VWA5B1: variants seen among roughly 807,000 people sequenced by gnomAD.
VWA5B1 encodes von Willebrand factor A domain-containing protein 5B1.
Under a neutral mutation model 118.2 loss-of-function variants are expected in VWA5B1, and 115 were observed. The observed-to-expected ratio is 0.97, with a 90% CI of 0.84 to 1.14. The LOEUF is 1.14. VWA5B1 is among the 50% of genes most tolerant of loss of function. VWA5B1 has a pLI of 0.00. For synonymous variants in VWA5B1, 682 were observed against 658.4 expected (o/e 1.04, Z -0.55); for missense variants, 1,596 against 1,603.8 (o/e 1.00, Z 0.08).
chr1:20,310,440 C>T (rs2088812603), intron 1 of VWA5B1, 136 bp from the exon 2 acceptor site: 5 of 878,080 alleles, frequency 5.7e-6, no homozygotes, highest in Admixed American at 3.6e-5. Context: ...CACTTCCTTC[C>T]CAGGAACTGG....
chr1:20,292,080 CTT>C (rs970727370), intron 1 of VWA5B1, among the ~76,000 whole-genome samples: 12 of 152,264 alleles, frequency 7.9e-5, no homozygotes, highest in African/African-American at 1.9e-4. Context: ...CTTTTTCTCT[CTT>C]TCTTTTTTCT....
At chr1:20,300,572 T>C (rs185027825) in intron 1 of VWA5B1, among the ~76,000 whole-genome samples, 3 of 152,326 alleles carry the variant, frequency 2.0e-5, no homozygotes, top group South Asian at 2.1e-4. Context: ...GTGTATTACC[T>C]TGACCAAGAA....
intron 17 of VWA5B1, among the ~76,000 whole-genome samples, chr1:20,347,634 A>AT (rs1157876711): frequency 4.6e-5 from 7 of 150,726 alleles, no homozygotes; most frequent in Non-Finnish European, 8.9e-5. Context: ...TTATTTTTTT[A>AT]TTTTTTTTGG....
At chr1:20,332,693 T>G in intron 11 of VWA5B1, 73 bp from the exon 12 acceptor site, 1 of 1,490,646 alleles carries the variant, frequency 6.7e-7, no homozygotes, top group Non-Finnish European at 9.1e-7. Context: ...CCCACTAAGC[T>G]GATACTTACA....
intron 1 of VWA5B1, among the ~76,000 whole-genome samples, chr1:20,309,964 G>A (rs1279710331): frequency 2.1e-5 from 3 of 146,322 alleles, no homozygotes; most frequent in Non-Finnish European, 3.1e-5. Flanking sequence ...TGTTGCGGGC[G>A]TGGGGGTGGG....
intron 11 of VWA5B1, among the ~76,000 whole-genome samples, chr1:20,332,539 T>TAAAATAAAATAAAATAA: frequency 2.9e-5 from 4 of 136,364 alleles, no homozygotes; most frequent in African/African-American, 1.0e-4. Context: ...TAAAATAAAA[T>TAAAATAAAATAAAATAA]AAAATAAAAT....
chr1:20,334,300 C>A (rs540975321), intron 12 of VWA5B1, among the ~76,000 whole-genome samples: 21 of 152,162 alleles, frequency 1.4e-4, no homozygotes, highest in Non-Finnish European at 2.9e-4. Context: ...CTTGCACAGT[C>A]CGGGCCTTCC....
chr1:20,321,220 G>T (rs890620309), intron 7 of VWA5B1, among the ~76,000 whole-genome samples: 1 of 151,828 alleles, frequency 6.6e-6, no homozygotes, highest in Non-Finnish European at 1.5e-5. Flanking sequence ...TAAATCTTAG[G>T]GGGGCAATAC....
chr1:20,350,342 A>C, intron 19 of VWA5B1, 112 bp downstream of exon 19: 1 of 1,201,736 alleles, frequency 8.3e-7, no homozygotes, highest in Non-Finnish European at 1.2e-6. Flanking sequence ...TGGAGTCCTC[A>C]AAGCAGCCGT....
In VWA5B1 at chr1:20,323,491, A is replaced by G. The variant is rs1317205829; in HGVS notation, c.1102A>G (p.Arg368Gly). ...AHGEFIFLIDRSSSMSGISMH... is the reference protein window; with the variant it reads ...AHGEFIFLIDGSSSMSGISMH... ...CGGGGAGTTCATCTTCCTCATTGAC[A>G]GGAGCAGCAGCATGAGCGGGATCAG... Residue 368 changes from arginine to glycine, a missense_variant, in exon 8 of 22, where the codon AGG (arginine) becomes GGG (glycine). Coordinates refer to ENST00000289815, the MANE Select transcript of VWA5B1 (RefSeq NM_001039500.3). The G allele has an allele frequency of 5.2e-6, 8 of 1,524,850 alleles. No individual in the cohort carries two copies. The South Asian group carries it at 8.8e-5, about 17-fold the overall frequency. The allele number at this position is 1,524,850 out of a possible 1,614,324, so 94.5% of individuals were successfully genotyped here. A position where few individuals can be genotyped will look rare whatever the true frequency, so the allele number is the denominator to read the frequency against.
At chr1:20,348,498 G>A (rs2090056243) in intron 18 of VWA5B1, 140 bp downstream of exon 18, 2 of 861,444 alleles carry the variant, frequency 2.3e-6, no homozygotes, top group Non-Finnish European at 1.9e-6. Context: ...CCAAGGCAAA[G>A]CCAGTCCTCC....
At chr1:20,321,124 A>AAAAC (rs2089200150) in intron 7 of VWA5B1, among the ~76,000 whole-genome samples, 1 of 151,890 alleles carries the variant, frequency 6.6e-6, no homozygotes, top group Non-Finnish European at 1.5e-5. Context: ...AAAAAAAAAA[A>AAAAC]AAAAACACGA....
intron 19 of VWA5B1, 73 bp from the exon 20 acceptor site, chr1:20,350,784 C>A (rs974670908): frequency 2.1e-6 from 3 of 1,420,118 alleles, no homozygotes; most frequent in African/African-American, 1.4e-5. Context: ...GGCCTCTGTT[C>A]CCCCAGTTGG....
intron 1 of VWA5B1, among the ~76,000 whole-genome samples, chr1:20,296,841 A>G (rs1275041906): frequency 6.6e-6 from 1 of 152,176 alleles, no homozygotes; most frequent in African/African-American, 2.4e-5. Flanking sequence ...TTTTCTGGTC[A>G]AATTATTGGG....
At position 20,316,095 on chromosome 1, in the gene VWA5B1, C is replaced by T. The variant is rs575808082; in HGVS notation, c.564-1435C>T. On this transcript the variant is annotated intron_variant, in intron 4 of 21. Transcript: ENST00000289815. ...CAAACCCCTGTGAATCTCAAAGGAG[C>T]TCAGATAGAGTGACACAAGACAAAA... Among the ~76,000 whole-genome samples, 5 of 152,292 alleles carry T rather than the reference C, an allele frequency of 3.3e-5. No individual in the cohort carries two copies. In the East Asian group the frequency reaches 9.6e-4, roughly 29 times the overall value.
intron 21 of VWA5B1, 52 bp downstream of exon 21, chr1:20,352,224 G>A (rs1476728440): frequency 7.2e-7 from 1 of 1,389,356 alleles, no homozygotes; most frequent in Non-Finnish European, 9.9e-7. Flanking sequence ...CTCAGCAGCA[G>A]GGCCTTCCTG....
intron 16 of VWA5B1, among the ~76,000 whole-genome samples, chr1:20,345,094 G>A (rs950545943): frequency 3.3e-5 from 5 of 152,182 alleles, no homozygotes; most frequent in African/African-American, 7.2e-5. Flanking sequence ...GAAGTTTTAC[G>A]GCAACGTTCC....
Position 20,332,834 on chromosome 1 carries a change from T to G in VWA5B1, c.1641T>G (p.Pro547=). The G allele has an allele frequency of 6.4e-7, 1 of 1,551,832 alleles. No homozygotes were observed. Among genetic ancestry groups the G allele is most frequent in the East Asian group, 2.4e-5 (1 of 40,924 alleles). ...ATGTGACTGTGGAGTGGATCTTCCC[T>G]GAGACCACTGAGGTCCTGGTCTCAC... The part of the protein sequence containing the change: ...LSDVTVEWIF[P]ETTEVLVSPV... Residue 547 remains proline (P), a synonymous_variant, in exon 12 of 22, where the codon CCT becomes CCG. Transcript: ENST00000289815.
intron 15 of VWA5B1, 108 bp downstream of exon 15, chr1:20,342,717 T>C: frequency 2.2e-6 from 3 of 1,335,936 alleles, no homozygotes; most frequent in Admixed American, 3.1e-5. Flanking sequence ...GTCTGTCCCC[T>C]TGTGGTCTGC....
Sources: allele counts gnomAD v4.1 joint callset (sites outside exome capture counted in the v4.1 genomes callset), GRCh38; gene constraint gnomAD v4.1.1; transcripts MANE v1.5; gene names NCBI Gene and HGNC (gene_info 2026-07-23, HGNC 2026-07-21).